Variants in DDR2 observed in about 807,000 individuals in gnomAD.
The protein encoded by DDR2 is discoidin domain receptor tyrosine kinase 2.
Under a neutral mutation model 94.9 loss-of-function variants are expected in DDR2, and 27 were observed. The observed-to-expected ratio is 0.28, with a 90% confidence interval of 0.21 to 0.39. The LOEUF (loss-of-function observed/expected upper bound fraction) is 0.39, where lower values mean the gene tolerates loss of function less well. Among genes scored for constraint, DDR2 ranks in the 10% least tolerant of loss-of-function variants. The probability of loss-of-function intolerance (pLI) is 1.00; values close to 1 mark genes in which losing one functional copy is unlikely to be tolerated. For synonymous variants in DDR2, 382 were observed against 377.2 expected, an observed-to-expected ratio of 1.01 and a Z score of -0.15; for missense variants, 783 against 1,076.0, an observed-to-expected ratio of 0.73 and a Z score of 3.81.
rs1168448226 is a variant in DDR2, at chr1:162,761,212, T to C, written c.857T>C (p.Val286Ala). 1.9e-6 allele frequency: 3 copies of C among 1,614,112 alleles called. No individual in the cohort carries two copies. The highest frequency in any genetic ancestry group is 2.5e-6 in the Non-Finnish European group (3 of 1,180,004). The change falls in exon 9 of 18, where the codon GTC becomes GCC. Residue 286 changes from valine to alanine, a missense_variant and splice_region_variant. This residue lies in a region of DDR2 where 519 missense variants were observed against 647.9 expected (regional missense o/e 0.80). Coordinates refer to ENST00000367921, the MANE Select transcript of DDR2 (RefSeq NM_006182.4). The part of the protein sequence containing the change: ...DRIRNFTTMK[V>A]HCNNMFAKGV... ...CTCACATGCCTCTTTCTCTACCAGG[T>C]CCACTGCAACAACATGTTTGCTAAA...
At chr1:162,647,129 T>G (rs1256114322) in intron 1 of DDR2, among the ~76,000 whole-genome samples, 4 of 152,186 alleles carry the variant, frequency 2.6e-5, no homozygotes, top group African/African-American at 9.7e-5. Flanking sequence ...TAGACTCTCC[T>G]TCCTGGAGGC....
intron 2 of DDR2, among the ~76,000 whole-genome samples, chr1:162,668,983 C>T (rs779523605): frequency 6.6e-6 from 1 of 152,164 alleles, no homozygotes; most frequent in Non-Finnish European, 1.5e-5. Context: ...GCAGCGGAGT[C>T]AGGGGCAGAC....
intron 2 of DDR2, among the ~76,000 whole-genome samples, chr1:162,666,224 TTC>T (rs1404691483): frequency 1.3e-5 from 2 of 152,190 alleles, no homozygotes; most frequent in Non-Finnish European, 2.9e-5. Context: ...CTCTCTCTCA[TTC>T]TCTCTCTCGC....
At position 162,754,718 on chromosome 1, in the gene DDR2, C is replaced by T. The variant is rs773478881; in HGVS notation, c.280C>T (p.Leu94Phe). The change falls in exon 5 of 18, where the codon CTC (leucine) becomes TTC (phenylalanine). Residue 94 changes from leucine (L) to phenylalanine (F), a missense_variant. Physicochemically the swap from Leu to Phe is conservative, Grantham distance 22 (BLOSUM62 0). This residue lies in a region of DDR2 where 519 missense variants were observed against 647.9 expected (regional missense o/e 0.80). Coordinates refer to ENST00000367921, the MANE Select transcript of DDR2 (RefSeq NM_006182.4). ...KEFLQIDLHT[L>F]HFITLVGTQG... ...GTTTCTGCAGATTGACTTGCACACCCTCCATTTTATCACTCTGGTGGGGAC... is the reference window on the plus strand; with the variant it reads ...GTTTCTGCAGATTGACTTGCACACCTTCCATTTTATCACTCTGGTGGGGAC... 8.7e-6 allele frequency: 14 copies of T among 1,614,142 alleles called. No homozygotes were observed. The highest frequency in any genetic ancestry group is 1.1e-5 in the South Asian group (1 of 91,086).
rs370859551 is a variant in DDR2, at chr1:162,780,052, C to T, written c.2434-60C>T. On this transcript the variant is annotated intron_variant, in intron 17 of 17. Coordinates refer to ENST00000367921, the MANE Select transcript of DDR2 (RefSeq NM_006182.4). The stretch of plus-strand genomic sequence containing the variant: ...GATGCAAAGATACTTCCCTTTCCCC[C>T]GTCTTTGTAATATTCTCTCTCTCTC... 4.5e-4 allele frequency: 721 copies of T among 1,609,266 alleles called. 1 individual carries two copies. In the African/African-American group the frequency reaches 6.4e-3, roughly 14 times the overall value.
At chr1:162,752,446 T>C (rs1237787309) in intron 3 of DDR2, among the ~76,000 whole-genome samples, 1 of 152,244 alleles carries the variant, frequency 6.6e-6, no homozygotes, top group Non-Finnish European at 1.5e-5. Context: ...GCTCATTATC[T>C]TAAAACATAA....
At chr1:162,667,152 C>T (rs184531198) in intron 2 of DDR2, among the ~76,000 whole-genome samples, 2,630 of 152,166 alleles carry the variant, frequency 0.017, 64 homozygotes, top group African/African-American at 0.06. Flanking sequence ...GCCAGTCACC[C>T]AGTTCCAGTG....
intron 3 of DDR2, among the ~76,000 whole-genome samples, chr1:162,722,465 A>G (rs1012309678): frequency 1.3e-5 from 2 of 152,194 alleles, no homozygotes; most frequent in Non-Finnish European, 1.5e-5. Context: ...ATCCAGTGGG[A>G]GAGGTTATTG....
Position 162,754,978 on chromosome 1 carries a change from A to G in DDR2, c.417+123A>G, listed in dbSNP as rs1010817827. ...TCCACAGACCAGGCATGCCCTTGTA[A>G]ATGTGTGACCCAGGGTGAGGGAGGC... is the stretch of plus-strand genomic sequence containing the variant. On this transcript the variant is annotated intron_variant, in intron 5 of 17. Coordinates refer to ENST00000367921, the MANE Select transcript of DDR2 (RefSeq NM_006182.4). 11 of 1,432,996 alleles carry G rather than the reference A, an allele frequency of 7.7e-6. No individual in the cohort carries two copies. The East Asian group carries it at 2.6e-4, about 34-fold the overall frequency. The allele number at this position is 1,432,996 out of a possible 1,614,324, so 88.8% of individuals were successfully genotyped here. A position where few individuals can be genotyped will look rare whatever the true frequency, so the allele number is the denominator to read the frequency against.
chr1:162,669,872 A>C (rs796628186), intron 2 of DDR2, among the ~76,000 whole-genome samples: 3 of 152,182 alleles, frequency 2.0e-5, no homozygotes, highest in Non-Finnish European at 2.9e-5. Flanking sequence ...TATTTTCTCT[A>C]TGAGTGCATT....
At chr1:162,727,644 A>G (rs891060966) in intron 3 of DDR2, among the ~76,000 whole-genome samples, 23 of 149,518 alleles carry the variant, frequency 1.5e-4, no homozygotes, top group Non-Finnish European at 3.4e-4. Flanking sequence ...TTGATTGCCT[A>G]TATAAGCCAA....
intron 16 of DDR2, among the ~76,000 whole-genome samples, chr1:162,777,185 A>G (rs537035891): frequency 6.6e-6 from 1 of 152,242 alleles, no homozygotes; most frequent in African/African-American, 2.4e-5. Context: ...ACCACTATCA[A>G]TACTTTGGTA....
intron 7 of DDR2, among the ~76,000 whole-genome samples, chr1:162,759,442 A>C (rs931792367): frequency 5.3e-5 from 8 of 152,214 alleles, no homozygotes; most frequent in Non-Finnish European, 7.3e-5. Flanking sequence ...AATGCATTTG[A>C]TAATATTAAG....
chr1:162,634,495 A>C (rs1162316930), intron 1 of DDR2, among the ~76,000 whole-genome samples: 1 of 152,234 alleles, frequency 6.6e-6, no homozygotes, highest in African/African-American at 2.4e-5. Context: ...CATATGAGGC[A>C]GCCCCTGTGG....
intron 3 of DDR2, among the ~76,000 whole-genome samples, chr1:162,735,925 A>G (rs897981828): frequency 2.0e-5 from 3 of 152,208 alleles, no homozygotes; most frequent in Admixed American, 1.3e-4. Flanking sequence ...GCTTTACTTT[A>G]GATATTCCAA....
chr1:162,729,173 A>G (rs375761131), intron 3 of DDR2, among the ~76,000 whole-genome samples: 1 of 150,724 alleles, frequency 6.6e-6, no homozygotes, highest in African/African-American at 2.4e-5. Context: ...GGTCCCCAAG[A>G]CCGACTCAAG....
At chr1:162,704,840 G>A (rs1446375931) in intron 2 of DDR2, among the ~76,000 whole-genome samples, 1 of 152,134 alleles carries the variant, frequency 6.6e-6, no homozygotes, top group African/African-American at 2.4e-5. Flanking sequence ...ATAGTCCTGG[G>A]CCATTTTACA....
chr1:162,730,717 C>G (rs766489534), intron 3 of DDR2, among the ~76,000 whole-genome samples: 1 of 152,282 alleles, frequency 6.6e-6, no homozygotes, highest in Non-Finnish European at 1.5e-5. Flanking sequence ...CCCACGTGCT[C>G]TCTTTCCTCA....
At chr1:162,693,879 C>T (rs185764675) in intron 2 of DDR2, among the ~76,000 whole-genome samples, 1 of 152,112 alleles carries the variant, frequency 6.6e-6, no homozygotes, top group African/African-American at 2.4e-5. Flanking sequence ...CTTGGCTTCT[C>T]TCTCTCTTCT....
Sources: gnomAD v4.1 joint callset for allele counts (sites outside exome capture counted in the v4.1 genomes callset) on GRCh38, gnomAD v4.1.1 for gene constraint, gnomAD v4.1.1 regional missense constraint, MANE v1.5 for transcripts, NCBI Gene and HGNC (gene_info 2026-07-23, HGNC 2026-07-21) for gene names.